The following PCDH15 variants were observed in gnomAD, a reference collection of about 807,000 sequenced individuals.
The protein encoded by PCDH15 is protocadherin related 15, also known as protocadherin-15.
A neutral mutation model predicts 178.5 loss-of-function variants in PCDH15; 129 were observed. That is an observed-to-expected ratio of 0.72 (90% CI 0.63 to 0.84). PCDH15 has a LOEUF of 0.84. PCDH15 is among the 40% of genes least tolerant of loss of function. The pLI, the probability that PCDH15 is intolerant of heterozygous loss-of-function variation, is 0.00. For missense variants in PCDH15, 2,230 were observed against 2,099.9 expected (o/e 1.06, Z -1.21); for synonymous variants, 800 against 732.0 (o/e 1.09, Z -1.50).
chr10:55,225,994 A>G (rs1384212904), intron 1 of PCDH15, among the ~76,000 whole-genome samples: 1 of 152,082 alleles, frequency 6.6e-6, no homozygotes, highest in Non-Finnish European at 1.5e-5. Flanking sequence ...GGCTTTCAGA[A>G]TGCTGAGTTA....
intron 25 of PCDH15, among the ~76,000 whole-genome samples, chr10:53,914,546 T>G (rs2083389401): frequency 6.6e-6 from 1 of 152,014 alleles, no homozygotes; most frequent in Admixed American, 6.6e-5. Flanking sequence ...TTCTCACTCA[T>G]AGGTGGGAAT....
intron 35 of PCDH15, among the ~76,000 whole-genome samples, chr10:53,812,643 T>C (rs1174822427): frequency 6.6e-6 from 1 of 152,208 alleles, no homozygotes; most frequent in African/African-American, 2.4e-5. Context: ...ATGTTTTTCT[T>C]GAGATATACA....
intron 3 of PCDH15, among the ~76,000 whole-genome samples, chr10:54,828,573 T>C (rs1043282253): frequency 5.3e-5 from 8 of 152,036 alleles, no homozygotes; most frequent in Admixed American, 1.3e-4. Flanking sequence ...TAATGCATTT[T>C]CTATCCTCTT....
intron 2 of PCDH15, among the ~76,000 whole-genome samples, chr10:54,663,214 C>A (rs965274015): frequency 1.3e-5 from 2 of 151,734 alleles, no homozygotes; most frequent in African/African-American, 4.8e-5. Context: ...ATCAGTTTAG[C>A]CAAGCAAAGC....
At chr10:55,363,464 GT>G (rs1845278031) in intron 2 of PCDH15, among the ~76,000 whole-genome samples, 1 of 152,084 alleles carries the variant, frequency 6.6e-6, no homozygotes, top group Non-Finnish European at 1.5e-5. Context: ...TGTGGTAAGT[GT>G]ATGTTTTGTT....
At chr10:54,454,412 TAATA>T (rs1198786000) in intron 3 of PCDH15, among the ~76,000 whole-genome samples, 8 of 145,376 alleles carry the variant, frequency 5.5e-5, no homozygotes, top group Non-Finnish European at 1.2e-4. Flanking sequence ...AACTGATGTT[TAATA>T]AATATTAAAC....
At chr10:54,082,718 G>A (rs911737585) in intron 16 of PCDH15, among the ~76,000 whole-genome samples, 1 of 151,150 alleles carries the variant, frequency 6.6e-6, no homozygotes. Flanking sequence ...CCAGATGCAC[G>A]GGAAGCAAAG....
chr10:55,273,026 T>C (rs1235954693), intron 1 of PCDH15, among the ~76,000 whole-genome samples: 2 of 152,048 alleles, frequency 1.3e-5, no homozygotes, highest in African/African-American at 4.8e-5. Flanking sequence ...TCTTGTTTAT[T>C]CATTTTTATA....
chr10:54,984,130 G>A (rs1424134424), intron 2 of PCDH15, among the ~76,000 whole-genome samples: 1 of 152,122 alleles, frequency 6.6e-6, no homozygotes, highest in African/African-American at 2.4e-5. Context: ...CCAAAGTATG[G>A]TGGCTTGGCA....
intron 1 of PCDH15, among the ~76,000 whole-genome samples, chr10:55,191,182 A>T (rs1839934938): frequency 6.6e-6 from 1 of 151,528 alleles, no homozygotes; most frequent in Non-Finnish European, 1.5e-5. Context: ...TTCAGTCCCT[A>T]TTGAATCTTT....
chr10:54,469,350 G>T (rs1382768960), intron 3 of PCDH15, among the ~76,000 whole-genome samples: 1 of 152,180 alleles, frequency 6.6e-6, no homozygotes, highest in African/African-American at 2.4e-5. Context: ...GCCCGCCTCA[G>T]CCTCCCAAAG....
At chr10:54,505,740 A>T (rs2081113583) in intron 3 of PCDH15, among the ~76,000 whole-genome samples, 1 of 152,122 alleles carries the variant, frequency 6.6e-6, no homozygotes, top group African/African-American at 2.4e-5. Flanking sequence ...GCACGTGTAT[A>T]CCTGTGCAAC....
chr10:54,998,057 G>C (rs1234433552), intron 2 of PCDH15, among the ~76,000 whole-genome samples: 1 of 151,990 alleles, frequency 6.6e-6, no homozygotes, highest in Non-Finnish European at 1.5e-5. Flanking sequence ...AAGAATTCTA[G>C]CTAATATATC....
At chr10:55,535,831 A>C (rs932437125) in intron 2 of PCDH15, among the ~76,000 whole-genome samples, 2 of 152,038 alleles carry the variant, frequency 1.3e-5, no homozygotes, top group African/African-American at 2.4e-5. Context: ...CACTCTATTT[A>C]GGGATACACC....
chr10:53,818,915 C>CAAAGT (rs539068170), intron 33 of PCDH15, among the ~76,000 whole-genome samples: 3 of 151,928 alleles, frequency 2.0e-5, no homozygotes, highest in Non-Finnish European at 4.4e-5. Flanking sequence ...GAGGCCTTCA[C>CAAAGT]AAAGTAATTC....
chr10:54,538,418 G>T (rs748541194), intron 2 of PCDH15, among the ~76,000 whole-genome samples: 6 of 152,114 alleles, frequency 3.9e-5, no homozygotes, highest in Non-Finnish European at 5.9e-5. Flanking sequence ...TCAGATGATT[G>T]TAGGTATGTG....
intron 2 of PCDH15, among the ~76,000 whole-genome samples, chr10:55,028,463 C>G (rs1351854320): frequency 2.0e-5 from 3 of 151,884 alleles, no homozygotes; most frequent in African/African-American, 7.2e-5. Flanking sequence ...AAAAAGAAAG[C>G]ATTTATCTTT....
At chr10:55,067,329 T>C (rs1307919642) in intron 2 of PCDH15, among the ~76,000 whole-genome samples, 2 of 152,010 alleles carry the variant, frequency 1.3e-5, no homozygotes, top group Non-Finnish European at 2.9e-5. Flanking sequence ...TGAGAATATG[T>C]AGTGTTTGTC....
intron 2 of PCDH15, among the ~76,000 whole-genome samples, chr10:55,078,497 T>C (rs1841964619): frequency 6.6e-6 from 1 of 152,158 alleles, no homozygotes. Flanking sequence ...GAAGTCTTTA[T>C]TCGTTCTTTT....
Sources: gnomAD v4.1 joint callset for allele counts (sites outside exome capture counted in the v4.1 genomes callset) on GRCh38, gnomAD v4.1.1 for gene constraint, MANE v1.5 for transcripts, NCBI Gene and HGNC (gene_info 2026-07-23, HGNC 2026-07-21) for gene names.